Variants in MOSPD1 observed in about 807,000 individuals in gnomAD.
MOSPD1 encodes the protein motile sperm domain containing 1, also known as motile sperm domain-containing protein 1.
Under a neutral mutation model 16.7 loss-of-function variants are expected in MOSPD1, and 5 were observed. The observed-to-expected ratio is 0.30, with a 90% CI of 0.16 to 0.63. The LOEUF (loss-of-function observed/expected upper bound fraction) is 0.63. MOSPD1 is among the 30% of genes least tolerant of loss of function. MOSPD1 has a pLI of 0.82. For missense variants in MOSPD1, 104 were observed against 153.6 expected (o/e 0.68, Z 1.71); for synonymous variants, 67 against 59.2 (o/e 1.13, Z -0.61).
chrX:134,894,961 C>T (rs1011161538), intron 4 of MOSPD1, among the ~76,000 whole-genome samples: 13 of 112,119 alleles, frequency 1.2e-4, no homozygotes, highest in African/African-American at 4.2e-4. Context: ...ACAGAGATCA[C>T]CATGTGTTAT....
At chrX:134,903,300 AAAT>A (rs1021878714) in intron 1 of MOSPD1, among the ~76,000 whole-genome samples, 4 of 112,057 alleles carry the variant, frequency 3.6e-5, no homozygotes, top group Admixed American at 9.5e-5. Context: ...TAAAATTAAA[AAAT>A]AATAATAAAG....
Position 134,891,391 on chromosome X carries a change from GAAAA to G in MOSPD1, c.610+84_610+87del, listed in dbSNP as rs369970722. 7.8e-6 allele frequency: 6 copies of G among 769,569 alleles called. No individual in the cohort carries two copies. In the Admixed American group the frequency reaches 1.1e-4, roughly 14 times the overall value. The allele number at this position is 769,569 out of a possible 1,213,427, so 63.4% of individuals were successfully genotyped here. A position where few individuals can be genotyped will look rare whatever the true frequency, so the allele number is the denominator to read the frequency against. ...AAGCATTTCTTTACCTGTTCTTTGG[GAAAA>G]AAAAAAAAAATCAAACCACCACCAC... On this transcript the variant is annotated intron_variant, in intron 5 of 5. Coordinates refer to ENST00000370783, the MANE Select transcript of MOSPD1 (RefSeq NM_019556.3).
intron 5 of MOSPD1, among the ~76,000 whole-genome samples, chrX:134,890,987 T>G (rs776980644): frequency 9.0e-6 from 1 of 111,463 alleles, no homozygotes; most frequent in African/African-American, 3.3e-5. Context: ...ACTCTAAGAT[T>G]TCAAGCCAGG....
Position 134,896,971 on chromosome X carries a change from T to A in MOSPD1, c.294A>T (p.Gln98His). 1 of 1,211,376 alleles carries A rather than the reference T, an allele frequency of 8.3e-7. No individual in the cohort carries two copies. The stretch of plus-strand genomic sequence containing the variant: ...CCTTCCTTTGGCTTTGCTCGGAAAC[T>A]TGGAGACGGAATTTGTCTATTACAC... ...HYGVIDKFRL[Q>H]VSEQSQRKAL... The change falls in exon 4 of 6, where the codon CAA becomes CAT. Residue 98 changes from glutamine (Q) to histidine (H), a missense_variant. By Grantham distance (24) the Gln-to-His change is conservative (BLOSUM62 0). Around this residue, in one of 3 missense-constraint regions of MOSPD1, gnomAD observed 68 missense variants for 73.1 expected, o/e 0.93. Coordinates refer to ENST00000370783, the MANE Select transcript of MOSPD1 (RefSeq NM_019556.3).
At chrX:134,905,279 G>A (rs1035825129) in intron 1 of MOSPD1, among the ~76,000 whole-genome samples, 5 of 106,660 alleles carry the variant, frequency 4.7e-5, no homozygotes, top group African/African-American at 1.7e-4. Context: ...TGAGGAAGGA[G>A]AATGGCGTGA....
chrX:134,907,459 A>G (rs1452361527), intron 1 of MOSPD1, among the ~76,000 whole-genome samples: 2 of 112,473 alleles, frequency 1.8e-5, no homozygotes, highest in South Asian at 7.3e-4. Context: ...CCTGATGATG[A>G]AACAGCTATA....
chrX:134,888,508 C>G lies in MOSPD1; in HGVS notation c.*653G>C, dbSNP rs1401416654. On this transcript the variant is annotated 3_prime_UTR_variant, in exon 6 of 6. Transcript: ENST00000370783. ...ACCAAAGAGAGAGGTCACCCTACTT[C>G]TATTAGGTTTTTTAAAAAAAAACCC... The G allele has an allele frequency of 9.0e-6, 1 of 111,117 alleles. No individual in the cohort carries two copies. Among genetic ancestry groups the G allele is most frequent in the Non-Finnish European group, 1.9e-5 (1 of 52,835 alleles). 9.2% of individuals were successfully genotyped at this position (111,117 alleles called of 1,213,427 possible).
At chrX:134,914,103 T>C (rs1474335101) in intron 1 of MOSPD1, among the ~76,000 whole-genome samples, 1 of 112,149 alleles carries the variant, frequency 8.9e-6, no homozygotes, top group Admixed American at 9.5e-5. Context: ...CTCCTTTCTG[T>C]CTGGAATTCA....
At position 134,899,017 on chromosome X, in the gene MOSPD1, C is replaced by A. The variant is rs12686927; in HGVS notation, c.230+73G>T. 9.6e-4 allele frequency: 839 copies of A among 869,762 alleles called. 5 individuals are homozygous for A. In the East Asian group the frequency reaches 0.023, roughly 24 times the overall value. 71.7% of individuals were successfully genotyped at this position (869,762 alleles called of 1,213,427 possible). On this transcript the variant is annotated intron_variant, in intron 3 of 5. Transcript: ENST00000370783. ...TGTGAGAACAGCTTCAAGAAAATAT[C>A]TTTTTTTTTCAAGTTAAAAACATAA...
chrX:134,909,387 T>C (rs896056911), intron 1 of MOSPD1, among the ~76,000 whole-genome samples: 11 of 112,119 alleles, frequency 9.8e-5, no homozygotes, highest in Non-Finnish European at 2.1e-4. Context: ...GTGACCCATC[T>C]GCTTGGTCAC....
At chrX:134,913,213 A>G (rs2082982094) in intron 1 of MOSPD1, among the ~76,000 whole-genome samples, 1 of 110,330 alleles carries the variant, frequency 9.1e-6, no homozygotes, top group African/African-American at 3.3e-5. Context: ...TGTCTCCACT[A>G]AACATACAAA....
chrX:134,909,111 CAA>C (rs200012314), intron 1 of MOSPD1, among the ~76,000 whole-genome samples: 1 of 105,613 alleles, frequency 9.5e-6, no homozygotes, highest in African/African-American at 3.5e-5. Flanking sequence ...ACTAAAAATA[CAA>C]AAAAAAAATT....
intron 1 of MOSPD1, among the ~76,000 whole-genome samples, chrX:134,914,806 G>A (rs1028986613): frequency 6.2e-5 from 7 of 112,576 alleles, no homozygotes; most frequent in South Asian, 3.7e-4. Context: ...AGCCGTCCTC[G>A]GTGCATCCAC....
At chrX:134,890,631 A>C (rs2082858063) in intron 5 of MOSPD1, among the ~76,000 whole-genome samples, 1 of 110,422 alleles carries the variant, frequency 9.1e-6, no homozygotes, top group Non-Finnish European at 1.9e-5. Context: ...CAACATGGAG[A>C]AACCCCATCT....
chrX:134,894,656 A>G (rs1403329652), intron 4 of MOSPD1, among the ~76,000 whole-genome samples: 1 of 111,917 alleles, frequency 8.9e-6, no homozygotes, highest in East Asian at 2.8e-4. Flanking sequence ...TAAACGGGAC[A>G]TGTTGGCCAG....
intron 5 of MOSPD1, 68 bp downstream of exon 5, chrX:134,891,411 C>G: frequency 9.8e-7 from 1 of 1,017,658 alleles, no homozygotes; most frequent in Non-Finnish European, 1.3e-6. Flanking sequence ...AAAAATCAAA[C>G]CACCACCACC....
At chrX:134,909,939 C>G (rs1480684111) in intron 1 of MOSPD1, among the ~76,000 whole-genome samples, 1 of 111,470 alleles carries the variant, frequency 9.0e-6, no homozygotes, top group Admixed American at 9.6e-5. Flanking sequence ...TCTTTGAAAA[C>G]AATTCATATT....
rs1350780543 is a variant in MOSPD1, at chrX:134,887,813, T to A, written c.*1348A>T. On this transcript the variant is annotated 3_prime_UTR_variant, in exon 6 of 6. Transcript: ENST00000370783. ...TAGATTACATTTATGTGCTTTTCAT[T>A]CATTACACAATGTACAGACATGATC... The A allele has an allele frequency of 8.8e-6, 1 of 113,127 alleles. No individual in the cohort carries two copies. The highest frequency in any genetic ancestry group is 1.9e-5 in the Non-Finnish European group (1 of 53,385). The allele number at this position is 113,127 out of a possible 1,213,427, so 9.3% of individuals were successfully genotyped here.
chrX:134,903,057 T>C (rs1473458147), intron 1 of MOSPD1, among the ~76,000 whole-genome samples: 1 of 108,741 alleles, frequency 9.2e-6, no homozygotes, highest in Non-Finnish European at 1.9e-5. Context: ...TTAGGAAGCA[T>C]TAGGAAGAGA....
Sources: gnomAD v4.1 joint callset for allele counts (sites outside exome capture counted in the v4.1 genomes callset) on GRCh38, gnomAD v4.1.1 for gene constraint, gnomAD v4.1.1 regional missense constraint, MANE v1.5 for transcripts, NCBI Gene and HGNC (gene_info 2026-07-23, HGNC 2026-07-21) for gene names.